The following TMEM65 variants were observed in gnomAD, a reference collection of about 807,000 sequenced individuals.
TMEM65 encodes transmembrane protein 65.
In TMEM65, 22 loss-of-function variants were observed where a neutral mutation model predicts 25.4. That is an observed-to-expected ratio of 0.86 (90% CI 0.62 to 1.23). TMEM65 has a LOEUF of 1.23. Among genes scored for constraint, TMEM65 ranks in the 50% most tolerant of loss-of-function variants. The pLI, the probability that TMEM65 is intolerant of heterozygous loss-of-function variation, is 0.00. For missense variants in TMEM65, 262 were observed against 308.2 expected, an observed-to-expected ratio of 0.85 and a Z score of 1.12; for synonymous variants, 132 against 126.2, an observed-to-expected ratio of 1.05 and a Z score of -0.31.
chr8:124,320,332 TTAC>T (rs1341889686), intron 5 of TMEM65, 141 bp from the exon 6 acceptor site: 4 of 490,328 alleles, frequency 8.2e-6, no homozygotes, highest in Non-Finnish European at 1.4e-5. Flanking sequence ...AGTAAACTAA[TTAC>T]TACAAGGAGA....
intron 3 of TMEM65, among the ~76,000 whole-genome samples, chr8:124,324,062 A>G (rs1814337676): frequency 6.6e-6 from 1 of 152,104 alleles, no homozygotes; most frequent in Non-Finnish European, 1.5e-5. Flanking sequence ...GAAGACAATT[A>G]AACTATTCTA....
Position 124,310,900 on chromosome 8 carries a change from TATAC to T in TMEM65, c.*3056_*3059del, listed in dbSNP as rs1378536295. On this transcript the variant is annotated 3_prime_UTR_variant, in exon 7 of 7. Transcript: ENST00000297632. ...GTACTGCATTACCACACAATAATAATATACATAAAGATAATGCTTAGCCACTAAG... is the reference window on the plus strand; with the variant it reads ...GTACTGCATTACCACACAATAATAATATAAAGATAATGCTTAGCCACTAAG... 6.6e-6 allele frequency: 1 copy of T among 152,010 alleles called. No homozygotes were observed. The highest frequency in any genetic ancestry group is 1.5e-5 in the Non-Finnish European group (1 of 67,978). 9.4% of individuals were successfully genotyped at this position (152,010 alleles called of 1,614,324 possible).
intron 1 of TMEM65, among the ~76,000 whole-genome samples, chr8:124,331,545 T>C (rs1234534132): frequency 6.6e-6 from 1 of 151,536 alleles, no homozygotes; most frequent in Non-Finnish European, 1.5e-5. Flanking sequence ...TTCCCAAGTA[T>C]AAGCCAGAGA....
chr8:124,326,700 T>C (rs1054168687), intron 3 of TMEM65, among the ~76,000 whole-genome samples: 5 of 152,096 alleles, frequency 3.3e-5, no homozygotes, highest in African/African-American at 1.2e-4. Context: ...ATGGATCTAC[T>C]TCTGACTTTA....
intron 1 of TMEM65, among the ~76,000 whole-genome samples, chr8:124,364,310 T>A (rs1814910972): frequency 6.6e-6 from 1 of 152,164 alleles, no homozygotes; most frequent in African/African-American, 2.4e-5. Flanking sequence ...GAAAAGAGTT[T>A]ACCATAACTA....
At position 124,322,087 on chromosome 8, in the gene TMEM65, A is replaced by G. The variant is rs778757207; in HGVS notation, c.515+18T>C. The G allele has an allele frequency of 3.1e-6, 5 of 1,597,792 alleles. No individual in the cohort carries two copies. In the South Asian group the frequency reaches 4.5e-5, roughly 14 times the overall value. Reference sequence around the variant, plus strand: ...CAGCAAGTACAGAATATACAAATGAATAAGTGAATGAACCTACCCAAGTCC... The same window carrying G: ...CAGCAAGTACAGAATATACAAATGAGTAAGTGAATGAACCTACCCAAGTCC... On this transcript the variant is annotated intron_variant, in intron 5 of 6. Transcript: ENST00000297632.
chr8:124,357,443 C>T (rs1814796859), intron 1 of TMEM65, among the ~76,000 whole-genome samples: 1 of 152,096 alleles, frequency 6.6e-6, no homozygotes, highest in Admixed American at 6.6e-5. Flanking sequence ...AAAAATCTTC[C>T]AAAATCTAAA....
At chr8:124,333,491 G>C (rs1466691552) in intron 1 of TMEM65, among the ~76,000 whole-genome samples, 1 of 151,566 alleles carries the variant, frequency 6.6e-6, no homozygotes, top group African/African-American at 2.4e-5. Context: ...GTGTGTGTGT[G>C]TGTGTGTCTG....
chr8:124,345,585 T>C (rs1052941809), intron 1 of TMEM65, among the ~76,000 whole-genome samples: 13 of 152,172 alleles, frequency 8.5e-5, no homozygotes, highest in Admixed American at 4.6e-4. Context: ...TAATGGCATA[T>C]AGAGTGAGCT....
chr8:124,330,278 A>C, intron 2 of TMEM65, among the ~76,000 whole-genome samples: 1 of 151,952 alleles, frequency 6.6e-6, no homozygotes, highest in East Asian at 1.9e-4. Context: ...AAGAAAGAAC[A>C]CTAGCAGCAT....
chr8:124,347,549 G>C (rs989124204), intron 1 of TMEM65, among the ~76,000 whole-genome samples: 5 of 151,944 alleles, frequency 3.3e-5, no homozygotes, highest in African/African-American at 1.2e-4. Context: ...AATTCATCCA[G>C]GTAACTACAA....
intron 1 of TMEM65, among the ~76,000 whole-genome samples, chr8:124,337,842 C>A (rs1272113307): frequency 6.6e-6 from 1 of 151,996 alleles, no homozygotes; most frequent in Non-Finnish European, 1.5e-5. Flanking sequence ...ATTAAACAAG[C>A]CATTTTTATA....
intron 1 of TMEM65, among the ~76,000 whole-genome samples, chr8:124,347,035 A>G (rs1814647268): frequency 6.6e-6 from 1 of 152,248 alleles, no homozygotes; most frequent in Non-Finnish European, 1.5e-5. Context: ...TCTAACGTGC[A>G]CCAAAAGTGG....
chr8:124,335,277 T>G (rs1814491405), intron 1 of TMEM65, among the ~76,000 whole-genome samples: 1 of 152,180 alleles, frequency 6.6e-6, no homozygotes, highest in Admixed American at 6.5e-5. Context: ...CCTTTAAGAA[T>G]GAAGGCAAAA....
intron 6 of TMEM65, among the ~76,000 whole-genome samples, chr8:124,317,480 T>C (rs1814253481): frequency 6.6e-6 from 1 of 152,208 alleles, no homozygotes; most frequent in Non-Finnish European, 1.5e-5. Flanking sequence ...TCTTAGGTAT[T>C]TTCTAGGGTT....
chr8:124,321,016 A>G (rs1037032926), intron 5 of TMEM65, among the ~76,000 whole-genome samples: 1 of 152,172 alleles, frequency 6.6e-6, no homozygotes, highest in South Asian at 2.1e-4. Flanking sequence ...GTTCTATTAA[A>G]TATATCAGAA....
intron 1 of TMEM65, among the ~76,000 whole-genome samples, chr8:124,342,577 T>C (rs1437386203): frequency 1.3e-5 from 2 of 152,140 alleles, no homozygotes; most frequent in Admixed American, 6.6e-5. Context: ...ATTAGATAAA[T>C]AAAATTGTTA....
At chr8:124,371,754 C>T in intron 1 of TMEM65, 100 bp downstream of exon 1, 2 of 1,174,834 alleles carry the variant, frequency 1.7e-6, no homozygotes, top group Non-Finnish European at 2.3e-6. Flanking sequence ...GGGGCGGCGG[C>T]GGGGGTCCAA....
In TMEM65 at chr8:124,307,967, T is replaced by C. The variant is rs1814113752; in HGVS notation, c.*5993A>G. The stretch of plus-strand genomic sequence containing the variant: ...GAAAGGGACAGGCTAATGCTATGGG[T>C]TTTTGCAAATGCTGTTGGGTTTATG... On this transcript the variant is annotated 3_prime_UTR_variant, in exon 7 of 7. Coordinates refer to ENST00000297632, the MANE Select transcript of TMEM65 (RefSeq NM_194291.3). The C allele has an allele frequency of 6.6e-6, 1 of 152,080 alleles. No individual in the cohort carries two copies. Among genetic ancestry groups the C allele is most frequent in the Non-Finnish European group, 1.5e-5 (1 of 67,994 alleles). 9.4% of individuals were successfully genotyped at this position (152,080 alleles called of 1,614,324 possible).
Sources: gnomAD v4.1 joint callset for allele counts (sites outside exome capture counted in the v4.1 genomes callset) on GRCh38, gnomAD v4.1.1 for gene constraint, MANE v1.5 for transcripts, NCBI Gene and HGNC (gene_info 2026-07-23, HGNC 2026-07-21) for gene names.